Variants in SPAG16 observed in about 807,000 individuals in gnomAD.
The protein encoded by SPAG16 is sperm-associated antigen 16 protein.
Under a neutral mutation model 80.4 loss-of-function variants are expected in SPAG16, and 86 were observed. The ratio of observed to expected loss-of-function variants is 1.07; its 90% CI spans 0.90 to 1.28. The LOEUF is 1.28. SPAG16 is among the 50% of genes most tolerant of loss of function. The pLI, the probability that SPAG16 is intolerant of heterozygous loss-of-function variation, is 0.00. For missense variants in SPAG16, 870 were observed against 765.3 expected (o/e 1.14, Z -1.61); for synonymous variants, 294 against 265.9 (o/e 1.11, Z -1.03).
At chr2:214,121,139 C>T (rs1458931086) in intron 14 of SPAG16, among the ~76,000 whole-genome samples, 4 of 151,732 alleles carry the variant, frequency 2.6e-5, no homozygotes, top group African/African-American at 9.7e-5. Context: ...AGGATATTTC[C>T]AATTTCATTT....
At chr2:213,311,721 A>G (rs1368434249) in intron 4 of SPAG16, among the ~76,000 whole-genome samples, 3 of 151,606 alleles carry the variant, frequency 2.0e-5, no homozygotes, top group Non-Finnish European at 4.4e-5. Context: ...TTTCATATGA[A>G]ACATTTTTTA....
intron 9 of SPAG16, among the ~76,000 whole-genome samples, chr2:213,476,185 G>A (rs1223996908): frequency 6.6e-6 from 1 of 152,164 alleles, no homozygotes; most frequent in Admixed American, 6.5e-5. Context: ...TATAAAGAAG[G>A]GATAGAAGCC....
intron 15 of SPAG16, among the ~76,000 whole-genome samples, chr2:214,300,923 C>T (rs1392944513): frequency 6.6e-6 from 1 of 151,410 alleles, no homozygotes; most frequent in African/African-American, 2.4e-5. Context: ...AATTATTACT[C>T]TAGTACCAAA....
At chr2:213,436,445 A>G (rs74804771) in intron 9 of SPAG16, among the ~76,000 whole-genome samples, 3 of 152,314 alleles carry the variant, frequency 2.0e-5, no homozygotes, top group African/African-American at 7.2e-5. Flanking sequence ...ATGTCATTAT[A>G]TCTACACAAT....
chr2:213,983,315 T>G (rs1474406894), intron 12 of SPAG16, among the ~76,000 whole-genome samples: 2 of 151,942 alleles, frequency 1.3e-5, no homozygotes, highest in African/African-American at 2.4e-5. Context: ...CAACTCAAGT[T>G]TATTAAGAAA....
At chr2:213,486,940 A>G (rs1049808181) in intron 9 of SPAG16, among the ~76,000 whole-genome samples, 2 of 152,116 alleles carry the variant, frequency 1.3e-5, no homozygotes, top group African/African-American at 2.4e-5. Flanking sequence ...TTAGGTGACT[A>G]ACGTGATGAA....
At chr2:213,653,759 T>C (rs968212218) in intron 10 of SPAG16, among the ~76,000 whole-genome samples, 5 of 152,178 alleles carry the variant, frequency 3.3e-5, no homozygotes, top group African/African-American at 9.6e-5. Context: ...TTTGGAACTA[T>C]AAACAATCAC....
At chr2:213,876,195 C>A (rs1355495953) in intron 11 of SPAG16, among the ~76,000 whole-genome samples, 2 of 151,444 alleles carry the variant, frequency 1.3e-5, no homozygotes, top group African/African-American at 4.8e-5. Context: ...AATGACAAAA[C>A]CTGCATTTGA....
intron 10 of SPAG16, among the ~76,000 whole-genome samples, chr2:213,682,967 G>T (rs1162695968): frequency 6.6e-6 from 1 of 152,152 alleles, no homozygotes; most frequent in Non-Finnish European, 1.5e-5. Flanking sequence ...TGTCTTATCT[G>T]ATGGGATTAC....
chr2:214,018,558 G>T lies in SPAG16; in HGVS notation c.1527+4481G>T, dbSNP rs142154980. 5.7e-3 allele frequency among the ~76,000 whole-genome samples: 860 copies of T among 152,192 alleles called. 6 individuals are homozygous for T. The highest frequency in any genetic ancestry group is 0.02 in the African/African-American group (827 of 41,548). ...CATTATTTGATTTGCAACATCAACT[G>T]AATCCATGGTATACTGGCATGCTTC... On this transcript the variant is annotated intron_variant, in intron 13 of 15. Coordinates refer to ENST00000331683, the MANE Select transcript of SPAG16 (RefSeq NM_024532.5).
At chr2:214,119,882 G>T (rs954496978) in intron 14 of SPAG16, among the ~76,000 whole-genome samples, 2 of 151,854 alleles carry the variant, frequency 1.3e-5, no homozygotes, top group Non-Finnish European at 2.9e-5. Flanking sequence ...TGTCACTATT[G>T]TTGCTGATGA....
chr2:213,643,123 C>A (rs1180557960), intron 10 of SPAG16, among the ~76,000 whole-genome samples: 1 of 150,490 alleles, frequency 6.6e-6, no homozygotes, highest in East Asian at 2.0e-4. Context: ...GCTAATACAA[C>A]AGGTCTGATA....
chr2:213,609,215 C>A (rs1329920169), intron 10 of SPAG16, among the ~76,000 whole-genome samples: 1 of 152,230 alleles, frequency 6.6e-6, no homozygotes, highest in Non-Finnish European at 1.5e-5. Context: ...TCACTGGAAG[C>A]CTTTTTGCAG....
At chr2:213,563,876 A>G (rs115328173) in intron 10 of SPAG16, among the ~76,000 whole-genome samples, 17 of 152,292 alleles carry the variant, frequency 1.1e-4, no homozygotes, top group African/African-American at 3.6e-4. Context: ...TCACATTTCT[A>G]CACCCTGAAT....
intron 15 of SPAG16, among the ~76,000 whole-genome samples, chr2:214,175,570 G>T (rs911580447): frequency 2.0e-5 from 3 of 151,144 alleles, no homozygotes; most frequent in African/African-American, 7.3e-5. Context: ...AGTCCTCTAA[G>T]ATTTTACCCA....
chr2:213,572,820 GGCGCCCCTCCCCCA>G (rs2059965936), intron 10 of SPAG16, among the ~76,000 whole-genome samples: 1 of 152,130 alleles, frequency 6.6e-6, no homozygotes, highest in Non-Finnish European at 1.5e-5. Context: ...GGCAATGGCG[GGCGCCCCTCCCCCA>G]GCCTCGCTGC....
At chr2:213,485,262 A>G (rs28473575) in intron 9 of SPAG16, among the ~76,000 whole-genome samples, 1,996 of 152,236 alleles carry the variant, frequency 0.013, 54 homozygotes, top group African/African-American at 0.045. Flanking sequence ...CCAAAATGTT[A>G]GGATTACAGG....
chr2:214,349,834 A>G (rs1698284180), intron 15 of SPAG16, among the ~76,000 whole-genome samples: 1 of 152,170 alleles, frequency 6.6e-6, no homozygotes, highest in African/African-American at 2.4e-5. Flanking sequence ...TATGACGAAT[A>G]AGTTATTTTT....
intron 11 of SPAG16, among the ~76,000 whole-genome samples, chr2:213,883,124 C>T (rs909119374): frequency 3.9e-5 from 6 of 152,326 alleles, no homozygotes; most frequent in Admixed American, 3.3e-4. Flanking sequence ...ATCTCTCTAA[C>T]TTCTTGATCA....
Sources: allele counts gnomAD v4.1 joint callset (sites outside exome capture counted in the v4.1 genomes callset), GRCh38; gene constraint gnomAD v4.1.1; transcripts MANE v1.5; gene names NCBI Gene and HGNC (gene_info 2026-07-23, HGNC 2026-07-21).